The following KHDRBS3 variants were observed in gnomAD, a reference collection of about 807,000 sequenced individuals.
KHDRBS3 encodes KH RNA binding domain containing, signal transduction associated 3.
Under a neutral mutation model 45.6 loss-of-function variants are expected in KHDRBS3, and 23 were observed. The ratio of observed to expected loss-of-function variants is 0.50; its 90% CI spans 0.36 to 0.72. The LOEUF (loss-of-function observed/expected upper bound fraction) is 0.72, where lower values mean the gene tolerates loss of function less well. KHDRBS3 is among the 30% of genes least tolerant of loss of function. KHDRBS3 has a pLI of 0.00. For synonymous variants in KHDRBS3, 162 were observed against 156.5 expected (o/e 1.04, Z -0.26); for missense variants, 352 against 424.8 (o/e 0.83, Z 1.51).
chr8:135,547,565 C>G (rs1826373038), intron 3 of KHDRBS3, among the ~76,000 whole-genome samples: 1 of 152,154 alleles, frequency 6.6e-6, no homozygotes, highest in African/African-American at 2.4e-5. Flanking sequence ...GTGTATTAGT[C>G]TTTCTTTTCT....
chr8:135,501,407 C>A (rs1007786510), intron 1 of KHDRBS3, among the ~76,000 whole-genome samples: 1 of 152,166 alleles, frequency 6.6e-6, no homozygotes, highest in East Asian at 1.9e-4. Context: ...TTTCTTTTAG[C>A]GTATTGTTTC....
intron 5 of KHDRBS3, among the ~76,000 whole-genome samples, chr8:135,577,002 G>T (rs570345157): frequency 1.3e-5 from 2 of 151,700 alleles, no homozygotes; most frequent in African/African-American, 4.8e-5. Context: ...TTATTTAATT[G>T]TTGAGTTCCA....
intron 1 of KHDRBS3, among the ~76,000 whole-genome samples, chr8:135,511,581 T>C (rs1383078786): frequency 1.3e-5 from 2 of 151,938 alleles, no homozygotes; most frequent in East Asian, 3.9e-4. Context: ...TTGGAGACAG[T>C]GTCTAGCTCT....
chr8:135,642,948 C>G (rs1831126162), intron 7 of KHDRBS3, among the ~76,000 whole-genome samples: 1 of 151,946 alleles, frequency 6.6e-6, no homozygotes, highest in Non-Finnish European at 1.5e-5. Flanking sequence ...GTCACCACAC[C>G]CAGCTAATTT....
intron 7 of KHDRBS3, among the ~76,000 whole-genome samples, chr8:135,633,420 A>G (rs916267089): frequency 6.6e-6 from 1 of 152,218 alleles, no homozygotes; most frequent in African/African-American, 2.4e-5. Context: ...TTGCATATAA[A>G]TGCAAGGGTA....
intron 1 of KHDRBS3, among the ~76,000 whole-genome samples, chr8:135,477,999 G>A (rs537755847): frequency 9.2e-5 from 14 of 152,138 alleles, no homozygotes; most frequent in African/African-American, 2.2e-4. Context: ...CAGCACCACC[G>A]GCATTAGAGT....
chr8:135,654,429 G>A (rs1283640182), intron 4 of KHDRBS3, among the ~76,000 whole-genome samples: 1 of 152,188 alleles, frequency 6.6e-6, no homozygotes, highest in African/African-American at 2.4e-5. Flanking sequence ...AATGCTACAT[G>A]TATTCATTAT....
chr8:135,619,093 G>A (rs574547352), intron 7 of KHDRBS3, among the ~76,000 whole-genome samples: 18 of 152,196 alleles, frequency 1.2e-4, no homozygotes, highest in East Asian at 5.8e-4. Flanking sequence ...TTTTTTGTTC[G>A]TTGTTTCTTA....
At chr8:135,609,193 C>T (rs960222018) in intron 7 of KHDRBS3, among the ~76,000 whole-genome samples, 4 of 152,084 alleles carry the variant, frequency 2.6e-5, no homozygotes, top group African/African-American at 9.7e-5. Flanking sequence ...TAATTTTTGA[C>T]TCTTGTAATA....
intron 8 of KHDRBS3, 34 bp from the exon 9 acceptor site, chr8:135,646,959 G>T (rs1461156306): frequency 8.9e-7 from 1 of 1,127,926 alleles, no homozygotes; most frequent in East Asian, 2.3e-5. Flanking sequence ...ATTCATGGCA[G>T]TGATCTAATT....
intron 7 of KHDRBS3, among the ~76,000 whole-genome samples, chr8:135,621,399 T>C (rs938435823): frequency 1.3e-5 from 2 of 152,254 alleles, no homozygotes; most frequent in Non-Finnish European, 2.9e-5. Context: ...TGTAATGTCT[T>C]CCATACATTC....
intron 1 of KHDRBS3, chr8:135,459,010 TG>T: frequency 2.2e-6 from 1 of 455,282 alleles, no homozygotes; most frequent in South Asian, 1.6e-5. Flanking sequence ...GTCTTTTCTC[TG>T]GGAAATGGCA....
intron 1 of KHDRBS3, among the ~76,000 whole-genome samples, chr8:135,518,424 T>C (rs547262484): frequency 8.5e-5 from 13 of 152,098 alleles, no homozygotes; most frequent in Non-Finnish European, 1.2e-4. Flanking sequence ...TCCACCCGCC[T>C]CGGCCTCCCA....
chr8:135,582,035 C>A lies in KHDRBS3; in HGVS notation c.769C>A (p.Pro257Thr). ...AGTCCCCCCAACTGGGTACAGACCT[C>A]CACCGCCACCCCCGACACAAGAGAC... is the stretch of plus-strand genomic sequence containing the variant. ...RGVPPTGYRP[P>T]PPPPTQETYG... The change falls in exon 6 of 9, where the codon CCA becomes ACA. Residue 257 changes from proline to threonine, a missense_variant. This residue lies in a region of KHDRBS3 where 212 missense variants were observed against 209.6 expected (regional missense o/e 1.01). Coordinates refer to ENST00000355849, the MANE Select transcript of KHDRBS3 (RefSeq NM_006558.3). 1 of 1,592,402 alleles carries A rather than the reference C, an allele frequency of 6.3e-7. No homozygotes were observed. The highest frequency in any genetic ancestry group is 1.1e-5 in the South Asian group (1 of 87,836).
intron 5 of KHDRBS3, among the ~76,000 whole-genome samples, chr8:135,563,968 C>T (rs563341934): frequency 4.6e-5 from 7 of 152,264 alleles, no homozygotes; most frequent in South Asian, 2.1e-4. Context: ...GTATTAAGTG[C>T]GTGTTCCCAG....
At chr8:135,594,968 T>C (rs1301270700) in intron 6 of KHDRBS3, among the ~76,000 whole-genome samples, 1 of 152,230 alleles carries the variant, frequency 6.6e-6, no homozygotes, top group Non-Finnish European at 1.5e-5. Flanking sequence ...GCAAAATGTC[T>C]ATCAATAGTA....
chr8:135,589,172 G>C (rs927719058), intron 6 of KHDRBS3, among the ~76,000 whole-genome samples: 1 of 152,176 alleles, frequency 6.6e-6, no homozygotes, highest in Non-Finnish European at 1.5e-5. Flanking sequence ...ATGCACAACA[G>C]ACAGAGGTTG....
intron 7 of KHDRBS3, among the ~76,000 whole-genome samples, chr8:135,631,692 C>G (rs1249330447): frequency 1.3e-5 from 2 of 152,164 alleles, no homozygotes; most frequent in African/African-American, 4.8e-5. Flanking sequence ...ACAGCTAAAA[C>G]AGCTTCGGGC....
At chr8:135,655,339 C>T (rs1195922959) in intron 4 of KHDRBS3, among the ~76,000 whole-genome samples, 1 of 152,138 alleles carries the variant, frequency 6.6e-6, no homozygotes, top group Non-Finnish European at 1.5e-5. Flanking sequence ...AAGGGATGAA[C>T]TTGCTCCGAG....
Sources: allele counts gnomAD v4.1 joint callset (sites outside exome capture counted in the v4.1 genomes callset), GRCh38; gene constraint gnomAD v4.1.1; regional missense constraint gnomAD v4.1.1; transcripts MANE v1.5; gene names NCBI Gene and HGNC (gene_info 2026-07-23, HGNC 2026-07-21).